The following PLD1 variants were observed in gnomAD, a reference collection of about 807,000 sequenced individuals.
PLD1 encodes the protein phospholipase D1.
In PLD1, 112 loss-of-function variants were observed where a neutral mutation model predicts 137.1. That is an observed-to-expected ratio of 0.82 (90% CI 0.70 to 0.96). The LOEUF (loss-of-function observed/expected upper bound fraction) is 0.96. PLD1 is among the 40% of genes least tolerant of loss of function. The pLI is 0.00. For missense variants in PLD1, 1,321 were observed against 1,342.0 expected (o/e 0.98, Z 0.24); for synonymous variants, 431 against 454.7 (o/e 0.95, Z 0.66).
At chr3:171,733,088 T>C (rs1186648812) in intron 6 of PLD1, among the ~76,000 whole-genome samples, 2 of 152,222 alleles carry the variant, frequency 1.3e-5, no homozygotes, top group Non-Finnish European at 2.9e-5. Context: ...TTTCATCACT[T>C]ACTACTCAAC....
chr3:171,662,078 C>G lies in PLD1; in HGVS notation c.2322G>C (p.Arg774Ser), dbSNP rs759347279. The part of the protein sequence containing the change: ...AAYVHVIENS[R>S]HYIYIENQFF... ...GACTTACTTCGATATAGATATAGTG[C>G]CTGCTGTTCTCTATCACATGGACGT... Residue 774 changes from arginine (R) to serine (S), a missense_variant, in exon 20 of 27, where the codon AGG (arginine) becomes AGC (serine). Physicochemically the swap from Arg to Ser is moderately radical, Grantham distance 110. Transcript: ENST00000351298. 2.3e-5 allele frequency: 37 copies of G among 1,600,068 alleles called. 1 individual carries two copies. Among genetic ancestry groups the G allele is most frequent in the Non-Finnish European group, 3.2e-5 (37 of 1,167,450 alleles).
At chr3:171,620,294 A>G (rs926914290) in intron 24 of PLD1, 92 bp downstream of exon 24, 2 of 866,896 alleles carry the variant, frequency 2.3e-6, no homozygotes, top group Non-Finnish European at 3.5e-6. Context: ...TTTCAAATGC[A>G]AAGGATGCTT....
At chr3:171,642,797 C>T in intron 23 of PLD1, 43 bp downstream of exon 23, 1 of 1,107,192 alleles carries the variant, frequency 9.0e-7, no homozygotes. Flanking sequence ...ACCTCACCTT[C>T]ATAATAAAAA....
intron 1 of PLD1, chr3:171,771,354 T>C (rs1250615987): frequency 1.3e-5 from 2 of 152,350 alleles, no homozygotes; most frequent in Non-Finnish European, 2.9e-5. Flanking sequence ...AAGCCCAGTT[T>C]TGGCTGACTC....
At chr3:171,718,576 A>C (rs1219708885) in intron 8 of PLD1, among the ~76,000 whole-genome samples, 3 of 152,158 alleles carry the variant, frequency 2.0e-5, no homozygotes, top group African/African-American at 7.2e-5. Flanking sequence ...TCTCAACAAG[A>C]TTTTGCTTTC....
At chr3:171,699,639 C>A in intron 12 of PLD1, 106 bp downstream of exon 12, 2 of 785,832 alleles carry the variant, frequency 2.5e-6, no homozygotes, top group South Asian at 3.4e-5. Flanking sequence ...TTTTGTCAAA[C>A]TCTAAAGTGA....
At chr3:171,764,183 C>A (rs1236324258) in intron 1 of PLD1, among the ~76,000 whole-genome samples, 1 of 152,054 alleles carries the variant, frequency 6.6e-6, no homozygotes. Context: ...CTATGTTGCC[C>A]AGAGTGATCT....
At chr3:171,742,439 G>C (rs1395207530) in intron 1 of PLD1, among the ~76,000 whole-genome samples, 1 of 152,048 alleles carries the variant, frequency 6.6e-6, no homozygotes, top group Non-Finnish European at 1.5e-5. Context: ...TTCACTCTAT[G>C]AACATAGTTA....
chr3:171,680,476 T>G (rs1403668179), intron 16 of PLD1, among the ~76,000 whole-genome samples: 4 of 151,902 alleles, frequency 2.6e-5, no homozygotes. Flanking sequence ...CCTCGTGATC[T>G]GCCTGCCTCG....
intron 1 of PLD1, among the ~76,000 whole-genome samples, chr3:171,787,686 G>A (rs1311402749): frequency 6.6e-6 from 1 of 152,058 alleles, no homozygotes; most frequent in Non-Finnish European, 1.5e-5. Flanking sequence ...TGTGTTGGGG[G>A]CATGGTACAA....
chr3:171,677,472 C>T, intron 17 of PLD1, 94 bp downstream of exon 17: 1 of 1,268,862 alleles, frequency 7.9e-7, no homozygotes, highest in Non-Finnish European at 1.1e-6. Context: ...GGAAGCAAAA[C>T]AAAAGGCATT....
At position 171,687,503 on chromosome 3, in the gene PLD1, T is replaced by C; in HGVS notation, c.1621A>G (p.Ile541Val). ...PVQNLPIQKS[I>V]DDVDSKLKGI... Reference sequence around the variant, plus strand: ...TTCAGTTTTGAATCCACATCATCAATACTCTTCTGGATGGGTAGGTTTTGA... The same window carrying C: ...TTCAGTTTTGAATCCACATCATCAACACTCTTCTGGATGGGTAGGTTTTGA... Residue 541 changes from isoleucine (I) to valine (V), a missense_variant, in exon 15 of 27, where the codon ATT (isoleucine) becomes GTT (valine). Coordinates refer to ENST00000351298, the MANE Select transcript of PLD1 (RefSeq NM_002662.5). 2 of 1,613,876 alleles carry C rather than the reference T, an allele frequency of 1.2e-6. No individual in the cohort carries two copies. The highest frequency in any genetic ancestry group is 1.7e-6 in the Non-Finnish European group (2 of 1,179,746).
chr3:171,628,585 T>C (rs1734351422), intron 23 of PLD1, among the ~76,000 whole-genome samples: 1 of 151,976 alleles, frequency 6.6e-6, no homozygotes, highest in Non-Finnish European at 1.5e-5. Context: ...ACAATATCCT[T>C]GATGAACATT....
chr3:171,608,951 A>T (rs1248628747), intron 25 of PLD1, among the ~76,000 whole-genome samples: 1 of 152,196 alleles, frequency 6.6e-6, no homozygotes, highest in African/African-American at 2.4e-5. Flanking sequence ...AAAGATGACT[A>T]AAAGCCAACA....
At chr3:171,664,095 G>T (rs1345675544) in intron 19 of PLD1, among the ~76,000 whole-genome samples, 1 of 152,012 alleles carries the variant, frequency 6.6e-6, no homozygotes, top group Non-Finnish European at 1.5e-5. Context: ...AAAATTATCA[G>T]ATGAATATGT....
intron 23 of PLD1, among the ~76,000 whole-genome samples, chr3:171,628,038 C>CA (rs1335233771): frequency 1.3e-5 from 2 of 151,296 alleles, no homozygotes; most frequent in South Asian, 2.1e-4. Flanking sequence ...AATAGAGACA[C>CA]AAAAAACCCT....
intron 23 of PLD1, among the ~76,000 whole-genome samples, chr3:171,633,506 G>A (rs1734852154): frequency 6.6e-6 from 1 of 152,082 alleles, no homozygotes; most frequent in Admixed American, 6.5e-5. Flanking sequence ...GGCTAGGGGA[G>A]GGATAGCATT....
At chr3:171,639,198 T>C (rs965246950) in intron 23 of PLD1, among the ~76,000 whole-genome samples, 3 of 145,362 alleles carry the variant, frequency 2.1e-5, no homozygotes, top group Non-Finnish European at 4.5e-5. Context: ...CAATTTTATA[T>C]ATTATTTATA....
chr3:171,717,925 T>C (rs531209166), intron 8 of PLD1, among the ~76,000 whole-genome samples: 37 of 152,224 alleles, frequency 2.4e-4, no homozygotes, highest in Admixed American at 5.9e-4. Flanking sequence ...TATTGAGGGT[T>C]GTTAAAATGA....
Sources: gnomAD v4.1 joint callset for allele counts (sites outside exome capture counted in the v4.1 genomes callset) on GRCh38, gnomAD v4.1.1 for gene constraint, MANE v1.5 for transcripts, NCBI Gene and HGNC (gene_info 2026-07-23, HGNC 2026-07-21) for gene names.